The following CCDC183 variants were observed in gnomAD, a reference collection of about 807,000 sequenced individuals.
CCDC183 encodes the protein coiled-coil domain-containing protein 183.
In CCDC183, 63 loss-of-function variants were observed where a neutral mutation model predicts 65.2. The observed-to-expected ratio is 0.97, with a 90% CI of 0.79 to 1.19. CCDC183 has a LOEUF of 1.19. Among genes scored for constraint, CCDC183 ranks in the 50% most tolerant of loss-of-function variants. CCDC183 has a pLI of 0.00. For synonymous variants in CCDC183, 323 were observed against 276.5 expected (o/e 1.17, Z -1.67); for missense variants, 769 against 689.3 (o/e 1.12, Z -1.30).
At chr9:136,803,638 G>C (rs1367153277) in intron 6 of CCDC183, among the ~76,000 whole-genome samples, 2 of 152,346 alleles carry the variant, frequency 1.3e-5, no homozygotes, top group South Asian at 4.1e-4. Flanking sequence ...AGCCAGCTCA[G>C]CAGAGACAGG....
intron 10 of CCDC183, 109 bp from the exon 11 acceptor site, chr9:136,806,395 G>A: frequency 6.8e-7 from 1 of 1,473,956 alleles, no homozygotes; most frequent in Non-Finnish European, 9.3e-7. Context: ...CTGAGCTTCT[G>A]AGTCCCTGAT....
chr9:136,801,029 G>A (rs1239788045), intron 5 of CCDC183, among the ~76,000 whole-genome samples: 6 of 152,240 alleles, frequency 3.9e-5, no homozygotes, highest in Non-Finnish European at 8.8e-5. Context: ...GAGCACAGGA[G>A]GTGCTAAGAG....
At chr9:136,807,254 G>C in intron 13 of CCDC183, 188 bp downstream of exon 13, 1 of 646,798 alleles carries the variant, frequency 1.5e-6, no homozygotes, top group Non-Finnish European at 2.6e-6. Flanking sequence ...TAAAGCCACT[G>C]AAATACCTTG....
At chr9:136,799,337 AG>A in intron 2 of CCDC183, 114 bp downstream of exon 2, 3 of 1,430,722 alleles carry the variant, frequency 2.1e-6, no homozygotes, top group Non-Finnish European at 1.8e-6. Flanking sequence ...TTCTGGATCC[AG>A]GGGGCATGTG....
Position 136,799,215 on chromosome 9 carries a change from G to A in CCDC183, c.184G>A (p.Ala62Thr). ...CCGCGGGGCCCAGGACTGGGCTTTG[G>A]CCAAGAAGGTACACAAACGCCGCCC... ...IRRGAQDWAL[A>T]KKYDQWTISK... The change falls in exon 2 of 14, where the codon GCC becomes ACC. Residue 62 changes from alanine to threonine, a missense_variant. Transcript: ENST00000338005. 1 of 1,603,178 alleles carries A rather than the reference G, an allele frequency of 6.2e-7. No individual in the cohort carries two copies. Among genetic ancestry groups the A allele is most frequent in the Non-Finnish European group, 8.5e-7 (1 of 1,175,362 alleles).
At chr9:136,802,208 C>G (rs553724813) in intron 5 of CCDC183, among the ~76,000 whole-genome samples, 1 of 148,670 alleles carries the variant, frequency 6.7e-6, no homozygotes. Context: ...ACCTTCTGAA[C>G]GAGCCATCAT....
At chr9:136,805,662 TTTA>T (rs1191461398) in intron 9 of CCDC183, 2 of 573,464 alleles carry the variant, frequency 3.5e-6, no homozygotes, top group South Asian at 2.1e-5. Context: ...TGTATCTGCG[TTTA>T]TTATTATTAG....
chr9:136,806,624 C>G lies in CCDC183; in HGVS notation c.1230C>G (p.Ile410Met). 1.2e-6 allele frequency: 2 copies of G among 1,613,750 alleles called. No individual in the cohort carries two copies. Among genetic ancestry groups the G allele is most frequent in the Non-Finnish European group, 1.7e-6 (2 of 1,180,040 alleles). Reference sequence around the variant, plus strand: ...TGCTGCTGACCATCCAGATGGGCATCGACAACCTCTATGTCCGGCTGATGG... The same window carrying G: ...TGCTGCTGACCATCCAGATGGGCATGGACAACCTCTATGTCCGGCTGATGG... ...QELLLTIQMG[I>M]DNLYVRLMGI... The change falls in exon 11 of 14, where the codon ATC becomes ATG. Residue 410 changes from isoleucine to methionine, a missense_variant. Coordinates refer to ENST00000338005, the MANE Select transcript of CCDC183 (RefSeq NM_001039374.5).
intron 2 of CCDC183, 88 bp downstream of exon 2, chr9:136,799,311 A>T (rs909113801): frequency 2.0e-6 from 3 of 1,478,326 alleles, no homozygotes; most frequent in Non-Finnish European, 2.7e-6. Flanking sequence ...CCTCCTCTCC[A>T]CCCCCACCCC....
At chr9:136,796,864 TC>T (rs1490596569) in intron 1 of CCDC183, among the ~76,000 whole-genome samples, 71 of 152,230 alleles carry the variant, frequency 4.7e-4, no homozygotes, top group Non-Finnish European at 1.5e-5. Flanking sequence ...CTGGGAATTG[TC>T]CAAGGTTTCC....
rs1314440791 is a variant in CCDC183, at chr9:136,807,074, C to A, written c.1486+8C>A. On this transcript the variant is annotated splice_region_variant and intron_variant, in intron 13 of 13. Transcript: ENST00000338005. ...GGGAGGAGGATATGATCGGTACAGG[C>A]CCCGGAACTGGGGCCCGGGCTGCAG... 3 of 1,612,226 alleles carry A rather than the reference C, an allele frequency of 1.9e-6. No individual in the cohort carries two copies. The highest frequency in any genetic ancestry group is 3.3e-5 in the Admixed American group (2 of 59,988).
chr9:136,806,991 A>T lies in CCDC183; in HGVS notation c.1411A>T (p.Thr471Ser). The change falls in exon 13 of 14, where the codon ACC (threonine) becomes TCC (serine). Residue 471 changes from threonine to serine, a missense_variant. Physicochemically the swap from Thr to Ser is moderately conservative, Grantham distance 58. Coordinates refer to ENST00000338005, the MANE Select transcript of CCDC183 (RefSeq NM_001039374.5). ...TEEGDTKVRD[T>S]LESSTLMEKY... The stretch of plus-strand genomic sequence containing the variant: ...GCAGGGCGACACAAAGGTGAGGGAC[A>T]CCCTGGAGTCCTCGACTCTGATGGA... 6.2e-7 allele frequency: 1 copy of T among 1,613,688 alleles called. No individual in the cohort carries two copies.
In CCDC183 at chr9:136,802,239, G is replaced by C. The variant is rs576839332; in HGVS notation, c.544-425G>C. On this transcript the variant is annotated intron_variant, in intron 5 of 13. Transcript: ENST00000338005. ...ATCATCTTACAAATGGGGACACAGA[G>C]AGATTAAGTAACTTTCCCAATGTCA... Among the ~76,000 whole-genome samples, 10 of 152,316 alleles carry C rather than the reference G, an allele frequency of 6.6e-5. No homozygotes were observed. The East Asian group carries it at 1.5e-3, about 24-fold the overall frequency.
chr9:136,803,382 C>T (rs1373740022), intron 6 of CCDC183, among the ~76,000 whole-genome samples: 1 of 152,228 alleles, frequency 6.6e-6, no homozygotes, highest in Non-Finnish European at 1.5e-5. Flanking sequence ...ATCCAGTGGC[C>T]AGCCCGGCCA....
Position 136,806,771 on chromosome 9 carries a change from C to A in CCDC183, c.1293C>A (p.Leu431=). The change falls in exon 12 of 14, where the codon CTC becomes CTA. Residue 431 remains leucine, a synonymous_variant. Transcript: ENST00000338005. The stretch of plus-strand genomic sequence containing the variant: ...CCGGCCTACAGAGAGAAGTGGTGCT[C>A]TCCAACACCCTCGATTTGAACAGCA... ...NLPATQREVV[L]SNTLDLNSKL... is the part of the protein sequence containing the mutation. 6.2e-7 allele frequency: 1 copy of A among 1,613,546 alleles called. No homozygotes were observed. The highest frequency in any genetic ancestry group is 8.5e-7 in the Non-Finnish European group (1 of 1,180,020).
Position 136,796,486 on chromosome 9 carries a change from G to A in CCDC183, c.70+19G>A, listed in dbSNP as rs1413014314. On this transcript the variant is annotated intron_variant, in intron 1 of 13. Transcript: ENST00000338005. ...CTCCAGGGTGAGCCTGCACCGCCGT[G>A]ACCAGTCTCCCTTTCCCGTCTGGGG... is the stretch of plus-strand genomic sequence containing the variant. 6.5e-7 allele frequency: 1 copy of A among 1,549,460 alleles called. No individual in the cohort carries two copies. Among genetic ancestry groups the A allele is most frequent in the Middle Eastern group, 2.1e-4 (1 of 4,696 alleles).
Position 136,804,581 on chromosome 9 carries a change from T to G in CCDC183, c.746T>G (p.Leu249Arg). ...RENRLNQQKKLIDKIHTKETS... is the reference protein window; with the variant it reads ...RENRLNQQKKRIDKIHTKETS... ...AACCGGCTCAACCAGCAGAAGAAGC[T>G]GATCGACAAGATCCACACGAAGGAG... Residue 249 changes from leucine (L) to arginine (R), a missense_variant, in exon 7 of 14, where the codon CTG becomes CGG. Transcript: ENST00000338005. The surrounding 1 kb of genome is among the most constrained non-coding windows in gnomAD (Gnocchi z 4.1). The G allele has an allele frequency of 6.2e-7, 1 of 1,612,840 alleles. No homozygotes were observed. The highest frequency in any genetic ancestry group is 8.5e-7 in the Non-Finnish European group (1 of 1,179,664).
At chr9:136,805,064 G>A (rs950808781) in intron 8 of CCDC183, 8 of 595,292 alleles carry the variant, frequency 1.3e-5, no homozygotes, top group East Asian at 8.3e-5. Flanking sequence ...CTCTGCAGAG[G>A]ATGAGCATCC....
Position 136,799,159 on chromosome 9 carries a change from C to T in CCDC183, c.128C>T (p.Ala43Val). Residue 43 changes from alanine (A) to valine (V), a missense_variant, in exon 2 of 14, where the codon GCC (alanine) becomes GTC (valine). Ala to Val is a moderately conservative substitution (Grantham distance 64, BLOSUM62 0). Coordinates refer to ENST00000338005, the MANE Select transcript of CCDC183 (RefSeq NM_001039374.5). ...AAAGAGAATATGGACCAGAACAAGG[C>T]CACGCTGGCCCTCCTGCGCAGCAAC... ...GVKENMDQNK[A>V]TLALLRSNIR... 1.2e-6 allele frequency: 2 copies of T among 1,613,192 alleles called. 1 individual carries two copies. Among genetic ancestry groups the T allele is most frequent in the South Asian group, 2.2e-5 (2 of 91,054 alleles).
Sources: allele counts gnomAD v4.1 joint callset (sites outside exome capture counted in the v4.1 genomes callset), GRCh38; gene constraint gnomAD v4.1.1; non-coding constraint Gnocchi (gnomAD v3.1); transcripts MANE v1.5; gene names NCBI Gene and HGNC (gene_info 2026-07-23, HGNC 2026-07-21).